Variants in NRAP observed in about 807,000 individuals in gnomAD.
The protein encoded by NRAP is nebulin-related-anchoring protein.
Under a neutral mutation model 225.9 loss-of-function variants are expected in NRAP, and 189 were observed. That is an observed-to-expected ratio of 0.84 (90% CI 0.74 to 0.94). The LOEUF (loss-of-function observed/expected upper bound fraction) is 0.94, where lower values mean the gene tolerates loss of function less well. NRAP is among the 40% of genes least tolerant of loss of function. The pLI is 0.00. For missense variants in NRAP, 2,176 were observed against 2,168.7 expected (o/e 1.00, Z -0.07); for synonymous variants, 769 against 790.7 (o/e 0.97, Z 0.46).
intron 34 of NRAP, 115 bp downstream of exon 34, chr10:113,605,647 T>C: frequency 1.4e-6 from 1 of 717,238 alleles, no homozygotes; most frequent in South Asian, 1.6e-5. Context: ...GCAGGTGACA[T>C]CCTGTCTCAC....
At chr10:113,661,498 G>C (rs1850673561) in intron 3 of NRAP, among the ~76,000 whole-genome samples, 1 of 152,016 alleles carries the variant, frequency 6.6e-6, no homozygotes. Context: ...AGGGAATCTT[G>C]GGTAAAGAGG....
Position 113,612,234 on chromosome 10 carries a change from C to T in NRAP, c.3498G>A (p.Glu1166=). ...TGAGAAAGAGGCCAGGTCTCCTTAC[C>T]TCACTCTGCAATTTGTGAGCTTTCT... ...CAKKAHKLQS[E]NLYRSDLNFM... Residue 1166 remains glutamate, a splice_region_variant and synonymous_variant, in exon 30 of 42, where the codon GAG becomes GAA. Coordinates refer to ENST00000359988, the MANE Select transcript of NRAP (RefSeq NM_198060.4). 1 of 1,613,946 alleles carries T rather than the reference C, an allele frequency of 6.2e-7. No homozygotes were observed. Among genetic ancestry groups the T allele is most frequent in the Non-Finnish European group, 8.5e-7 (1 of 1,179,896 alleles).
rs754318484 is a variant in NRAP at position 113,631,678 on chromosome 10, T to C, written c.1741-68A>G. 6.1e-5 allele frequency: 66 copies of C among 1,084,896 alleles called. No individual in the cohort carries two copies. In the African/African-American group the frequency reaches 9.8e-4, roughly 16 times the overall value. 67.2% of individuals were successfully genotyped at this position (1,084,896 alleles called of 1,614,324 possible). ...TTTGCCGTCTAAGGGGCTCTGGTTT[T>C]AACAAGTGCAAGGGGAACAATTCTG... On this transcript the variant is annotated intron_variant, in intron 17 of 41. Coordinates refer to ENST00000359988, the MANE Select transcript of NRAP (RefSeq NM_198060.4).
chr10:113,659,443 C>T (rs1371575213), intron 3 of NRAP, among the ~76,000 whole-genome samples: 2 of 152,116 alleles, frequency 1.3e-5, no homozygotes, highest in East Asian at 1.9e-4. Context: ...AAACACAGGA[C>T]CAAAAGACCA....
chr10:113,595,157 C>A (rs558143764), intron 38 of NRAP, among the ~76,000 whole-genome samples: 1 of 152,262 alleles, frequency 6.6e-6, no homozygotes, highest in African/African-American at 2.4e-5. Context: ...CACAAAGGAG[C>A]GAGCTGCATT....
chr10:113,606,405 G>A lies in NRAP; in HGVS notation c.3703-123C>T, dbSNP rs191258227. On this transcript the variant is annotated intron_variant, in intron 32 of 41. Transcript: ENST00000359988. ...AGCAAAAAACCGTTCATTGTGTCATGGATACATCTCCAGTCTTGGGGAAGA... is the reference window on the plus strand; with the variant it reads ...AGCAAAAAACCGTTCATTGTGTCATAGATACATCTCCAGTCTTGGGGAAGA... 9 of 632,434 alleles carry A rather than the reference G, an allele frequency of 1.4e-5. No homozygotes were observed. In the East Asian group the frequency reaches 1.9e-4, roughly 13 times the overall value. 39.2% of individuals were successfully genotyped at this position (632,434 alleles called of 1,614,324 possible).
In NRAP at chr10:113,597,088, C is replaced by A. The variant is rs761405419; in HGVS notation, c.4429G>T (p.Glu1477Ter). The A allele has an allele frequency of 6.2e-7, 1 of 1,604,960 alleles. No individual in the cohort carries two copies. The highest frequency in any genetic ancestry group is 8.5e-7 in the Non-Finnish European group (1 of 1,171,598). ...ATGAATGACAAGAAAGGACCCACCT[C>A]ATTGCAGTGCATATAGCTGTTCTTG... ...HAKNSYMHCNERMYRSGDAES... is the reference protein window; with the variant it reads ...HAKNSYMHCN Residue 1477 changes from glutamate (E) to a stop codon, truncating the protein, a stop_gained and splice_region_variant, in exon 37 of 42, where the codon GAG becomes TAG. Coordinates refer to ENST00000359988, the MANE Select transcript of NRAP (RefSeq NM_198060.4). LOFTEE classifies it high-confidence loss of function.
chr10:113,630,274 A>G (rs1848506243), intron 18 of NRAP, among the ~76,000 whole-genome samples: 1 of 152,200 alleles, frequency 6.6e-6, no homozygotes, highest in Non-Finnish European at 1.5e-5. Flanking sequence ...CACATAGCAA[A>G]TACTTGATAA....
At chr10:113,617,973 C>T (rs1449461867) in intron 25 of NRAP, among the ~76,000 whole-genome samples, 1 of 152,126 alleles carries the variant, frequency 6.6e-6, no homozygotes, top group African/African-American at 2.4e-5. Context: ...AAAACACTGA[C>T]AGACATTATT....
intron 29 of NRAP, 72 bp from the exon 30 acceptor site, chr10:113,612,503 A>G: frequency 8.0e-7 from 1 of 1,257,172 alleles, no homozygotes; most frequent in Admixed American, 1.8e-5. Flanking sequence ...AGGGAGGGCA[A>G]CTGCAATGCA....
Position 113,663,434 on chromosome 10 carries a change from C to T in NRAP, c.85G>A (p.Ala29Thr), listed in dbSNP as rs765356540. 3 of 1,601,562 alleles carry T rather than the reference C, an allele frequency of 1.9e-6. No homozygotes were observed. The highest frequency in any genetic ancestry group is 1.7e-6 in the Non-Finnish European group (2 of 1,168,608). ...TTGCAAACTTCACAGTGAAAACAGG[C>T]TTTATGCCATATCTAGAAATCATAT... The part of the protein sequence containing the change: ...ISCIDQIWHK[A>T]CFHCEVCKMM... Residue 29 changes from alanine (A) to threonine (T), a missense_variant, in exon 2 of 42, where the codon GCC (alanine) becomes ACC (threonine). This residue lies in a region of NRAP where 1,708 missense variants were observed against 1,695.5 expected (regional missense o/e 1.01). Coordinates refer to ENST00000359988, the MANE Select transcript of NRAP (RefSeq NM_198060.4).
At chr10:113,628,169 A>G (rs536724671) in intron 20 of NRAP, among the ~76,000 whole-genome samples, 1 of 152,056 alleles carries the variant, frequency 6.6e-6, no homozygotes, top group African/African-American at 2.4e-5. Context: ...ATCTGATCCA[A>G]CCTCTTCATT....
intron 10 of NRAP, 28 bp from the exon 11 acceptor site, chr10:113,645,969 G>A (rs1849483163): frequency 3.3e-6 from 4 of 1,202,542 alleles, no homozygotes; most frequent in Non-Finnish European, 4.8e-6. Flanking sequence ...AAACGGGGCT[G>A]GAGTTGATGT....
chr10:113,604,350 C>T (rs1170204900), intron 35 of NRAP, among the ~76,000 whole-genome samples: 1 of 152,128 alleles, frequency 6.6e-6, no homozygotes, highest in Non-Finnish European at 1.5e-5. Context: ...CTCCTGACCT[C>T]GTGATCCGCC....
At chr10:113,615,027 T>C in intron 27 of NRAP, 81 bp from the exon 28 acceptor site, 2 of 848,158 alleles carry the variant, frequency 2.4e-6, no homozygotes, top group Non-Finnish European at 4.1e-6. Context: ...ATTGGCAATC[T>C]GGTTTGTGGT....
At chr10:113,621,772 T>C in intron 24 of NRAP, 97 bp downstream of exon 24, 1 of 1,154,420 alleles carries the variant, frequency 8.7e-7, no homozygotes, top group South Asian at 1.5e-5. Flanking sequence ...TCCCATAGCA[T>C]AAATTGTTGC....
intron 18 of NRAP, 114 bp downstream of exon 18, chr10:113,631,395 A>G: frequency 1.6e-6 from 1 of 639,790 alleles, no homozygotes; most frequent in Non-Finnish European, 2.8e-6. Context: ...GAAAGAAAGG[A>G]GTTGCAGGTA....
Position 113,663,913 on chromosome 10 carries a change from G to A in NRAP, c.-31C>T. Reference sequence around the variant, plus strand: ...AGCCGGAAGAGAGAGGACAAAGATAGGCAACAGGCAAGAAATGCAAGGAGA... The same window carrying A: ...AGCCGGAAGAGAGAGGACAAAGATAAGCAACAGGCAAGAAATGCAAGGAGA... On this transcript the variant is annotated 5_prime_UTR_variant, in exon 1 of 42. Transcript: ENST00000359988. 1 of 1,552,762 alleles carries A rather than the reference G, an allele frequency of 6.4e-7. No homozygotes were observed. Among genetic ancestry groups the A allele is most frequent in the Non-Finnish European group, 8.9e-7 (1 of 1,124,358 alleles).
chr10:113,631,344 G>T (rs1474820203), intron 18 of NRAP, among the ~76,000 whole-genome samples, 165 bp downstream of exon 18: 9 of 152,080 alleles, frequency 5.9e-5, no homozygotes, highest in Admixed American at 5.9e-4. Flanking sequence ...AGTATGCTTT[G>T]GCAAAACAAA....
Sources: allele counts gnomAD v4.1 joint callset (sites outside exome capture counted in the v4.1 genomes callset), GRCh38; gene constraint gnomAD v4.1.1; regional missense constraint gnomAD v4.1.1; transcripts MANE v1.5; gene names NCBI Gene and HGNC (gene_info 2026-07-23, HGNC 2026-07-21).